The following RIPK2 variants were observed in gnomAD, a reference collection of about 807,000 sequenced individuals.
RIPK2 encodes the protein receptor interacting serine/threonine kinase 2, also known as receptor-interacting serine/threonine-protein kinase 2.
In RIPK2, 38 loss-of-function variants were observed where a neutral mutation model predicts 60.9. That is an observed-to-expected ratio of 0.62 (90% CI 0.48 to 0.82). RIPK2 has a LOEUF of 0.82. Among genes scored for constraint, RIPK2 ranks in the 40% least tolerant of loss-of-function variants. RIPK2 has a pLI of 0.00. For synonymous variants in RIPK2, 225 were observed against 223.4 expected, an observed-to-expected ratio of 1.01 and a Z score of -0.06; for missense variants, 518 against 647.0, an observed-to-expected ratio of 0.80 and a Z score of 2.16.
At chr8:89,779,068 T>G (rs1455682312) in intron 6 of RIPK2, among the ~76,000 whole-genome samples, 2 of 152,172 alleles carry the variant, frequency 1.3e-5, no homozygotes, top group African/African-American at 4.8e-5. Context: ...TTTCATGTGC[T>G]TCTTGAAGAC....
intron 10 of RIPK2, 43 bp downstream of exon 10, chr8:89,789,525 C>T: frequency 6.4e-7 from 1 of 1,551,776 alleles, no homozygotes; most frequent in African/African-American, 1.4e-5. Context: ...ATGCCATTGA[C>T]CTTACATATC....
At chr8:89,786,546 T>G (rs1241461889) in intron 8 of RIPK2, 47 bp from the exon 9 acceptor site, 1 of 1,022,014 alleles carries the variant, frequency 9.8e-7, no homozygotes, top group Non-Finnish European at 1.5e-6. Flanking sequence ...AAATTAAAGC[T>G]CGATAATTTT....
chr8:89,762,124 G>T (rs1809156365), intron 1 of RIPK2, among the ~76,000 whole-genome samples: 1 of 151,940 alleles, frequency 6.6e-6, no homozygotes, highest in South Asian at 2.1e-4. Flanking sequence ...GGAGTTTGAG[G>T]CTATAGTGAG....
intron 5 of RIPK2, 92 bp from the exon 6 acceptor site, chr8:89,772,575 A>T: frequency 1.1e-6 from 1 of 919,050 alleles, no homozygotes; most frequent in Non-Finnish European, 1.6e-6. Context: ...AAATTTCAAT[A>T]TTCACTTATT....
intron 9 of RIPK2, among the ~76,000 whole-genome samples, chr8:89,787,474 GTCA>G (rs1165396678): frequency 6.6e-6 from 1 of 152,178 alleles, no homozygotes; most frequent in East Asian, 1.9e-4. Flanking sequence ...CTACCATGTT[GTCA>G]TCATGAAATT....
intron 6 of RIPK2, among the ~76,000 whole-genome samples, chr8:89,777,191 G>C (rs1405401778): frequency 6.6e-6 from 1 of 152,218 alleles, no homozygotes; most frequent in Admixed American, 6.5e-5. Flanking sequence ...ATCAGTACAG[G>C]GTGAAGTCAG....
chr8:89,790,249 A>G lies in RIPK2; in HGVS notation c.1456A>G (p.Lys486Glu). Residue 486 changes from lysine to glutamate, a missense_variant, in exon 11 of 11, where the codon AAA (lysine) becomes GAA (glutamate). Physicochemically the swap from Lys to Glu is moderately conservative, Grantham distance 56. This residue lies in a region of RIPK2 where 29 missense variants were observed against 68.6 expected (regional missense o/e 0.42). Coordinates refer to ENST00000220751, the MANE Select transcript of RIPK2 (RefSeq NM_003821.6). ...LVSTKPTRTS[K>E]VRQLLDTTDI... The stretch of plus-strand genomic sequence containing the variant: ...TAGTACCAAGCCTACAAGGACCTCA[A>G]AAGTCAGACAATTACTAGACACTAC... The G allele has an allele frequency of 1.2e-6, 2 of 1,614,180 alleles. No individual in the cohort carries two copies. The highest frequency in any genetic ancestry group is 1.7e-6 in the Non-Finnish European group (2 of 1,180,022).
chr8:89,779,310 G>GGGTTTTTT (rs1586128992), intron 6 of RIPK2, among the ~76,000 whole-genome samples: 3 of 79,112 alleles, frequency 3.8e-5, no homozygotes, highest in African/African-American at 1.8e-4. Flanking sequence ...CGGTTTTTGG[G>GGGTTTTTT]TTTTTTTTTT....
chr8:89,779,316 T>TTTTG (rs1378737660), intron 6 of RIPK2, among the ~76,000 whole-genome samples: 4 of 126,348 alleles, frequency 3.2e-5, no homozygotes, highest in African/African-American at 9.4e-5. Context: ...TTGGGTTTTT[T>TTTTG]TTTTTTTTTT....
chr8:89,782,704 A>G (rs986204996), intron 7 of RIPK2, among the ~76,000 whole-genome samples: 8 of 152,086 alleles, frequency 5.3e-5, no homozygotes, highest in Non-Finnish European at 4.4e-5. Flanking sequence ...TGAGTTTCCT[A>G]CATTTTTTCA....
chr8:89,786,551 A>T, intron 8 of RIPK2, 42 bp from the exon 9 acceptor site: 1 of 1,073,614 alleles, frequency 9.3e-7, no homozygotes, highest in Non-Finnish European at 1.4e-6. Context: ...AAAGCTCGAT[A>T]ATTTTTATTA....
chr8:89,789,973 C>G, intron 10 of RIPK2, 106 bp from the exon 11 acceptor site: 1 of 800,728 alleles, frequency 1.2e-6, no homozygotes, highest in East Asian at 2.7e-5. Context: ...TTGGCACAAT[C>G]ATAGGAAAAT....
chr8:89,787,175 T>A (rs1220324430), intron 9 of RIPK2, among the ~76,000 whole-genome samples: 1 of 151,816 alleles, frequency 6.6e-6, no homozygotes, highest in Non-Finnish European at 1.5e-5. Flanking sequence ...AAAAATAAAT[T>A]TTAAAAAACA....
Position 89,790,527 on chromosome 8 carries a change from T to G in RIPK2, c.*111T>G. 1 of 757,948 alleles carries G rather than the reference T, an allele frequency of 1.3e-6. No homozygotes were observed. The highest frequency in any genetic ancestry group is 2.1e-6 in the Non-Finnish European group (1 of 485,908). 47.0% of individuals were successfully genotyped at this position (757,948 alleles called of 1,614,324 possible). ...GTATTAAAGCTTTATTGAAGGTTCT[T>G]TGGGTAAATATTAGTCTCCCTCCAT... is the stretch of plus-strand genomic sequence containing the variant. On this transcript the variant is annotated 3_prime_UTR_variant, in exon 11 of 11. Coordinates refer to ENST00000220751, the MANE Select transcript of RIPK2 (RefSeq NM_003821.6).
At chr8:89,771,646 G>A (rs1809312774) in intron 4 of RIPK2, 95 bp from the exon 5 acceptor site, 2 of 731,810 alleles carry the variant, frequency 2.7e-6, no homozygotes, top group Non-Finnish European at 2.3e-6. Flanking sequence ...TTTGAAAAAT[G>A]GTATCTTCAG....
chr8:89,773,468 G>A (rs912976074), intron 6 of RIPK2, among the ~76,000 whole-genome samples: 9 of 152,164 alleles, frequency 5.9e-5, no homozygotes, highest in Non-Finnish European at 1.3e-4. Flanking sequence ...AGTGAGCAAG[G>A]AAAGGAATTA....
At chr8:89,784,000 T>C in intron 7 of RIPK2, 50 bp from the exon 8 acceptor site, 1 of 978,582 alleles carries the variant, frequency 1.0e-6, no homozygotes, top group Non-Finnish European at 1.6e-6. Flanking sequence ...TTCTATAATT[T>C]CCTAATCATC....
intron 1 of RIPK2, among the ~76,000 whole-genome samples, chr8:89,759,726 AGGGTGGT>A (rs1809114134): frequency 6.6e-6 from 1 of 152,204 alleles, no homozygotes. Flanking sequence ...TCAACTTTTA[AGGGTGGT>A]GGTTGGTTAG....
chr8:89,759,540 CT>C (rs1254911542), intron 1 of RIPK2: 1 of 395,198 alleles, frequency 2.5e-6, no homozygotes, highest in African/African-American at 2.1e-5. Context: ...TTGTCTCTCA[CT>C]GTCAGGCTTC....
Sources: gnomAD v4.1 joint callset for allele counts (sites outside exome capture counted in the v4.1 genomes callset) on GRCh38, gnomAD v4.1.1 for gene constraint, gnomAD v4.1.1 regional missense constraint, MANE v1.5 for transcripts, NCBI Gene and HGNC (gene_info 2026-07-23, HGNC 2026-07-21) for gene names.